Variants in SAMSN1 observed in about 807,000 individuals in gnomAD.
SAMSN1 encodes the protein SAM domain-containing protein SAMSN-1.
SAMSN1 carries 31 observed loss-of-function variants against 42.0 expected under a neutral mutation model. That is an observed-to-expected ratio of 0.74 (90% CI 0.55 to 1.00). The LOEUF is 1.00. SAMSN1 is among the 50% of genes least tolerant of loss of function. The pLI is 0.00. For missense variants in SAMSN1, 464 were observed against 439.4 expected (o/e 1.06, Z -0.50); for synonymous variants, 178 against 151.9 (o/e 1.17, Z -1.26).
intron 1 of SAMSN1, among the ~76,000 whole-genome samples, chr21:14,649,659 A>G (rs1423135600): frequency 6.6e-6 from 1 of 151,832 alleles, no homozygotes; most frequent in Admixed American, 6.6e-5. Context: ...AATCCCAGCT[A>G]CTCAGGAGGC....
At position 14,516,886 on chromosome 21, in the gene SAMSN1, A is replaced by G. The variant is rs1048239135; in HGVS notation, c.279+6T>C. The G allele has an allele frequency of 6.3e-6, 10 of 1,599,330 alleles. No individual in the cohort carries two copies. Among genetic ancestry groups the G allele is most frequent in the African/African-American group, 1.4e-5 (1 of 73,806 alleles). On this transcript the variant is annotated splice_donor_region_variant and intron_variant, in intron 3 of 7. Coordinates refer to ENST00000400566, the MANE Select transcript of SAMSN1 (RefSeq NM_022136.5). Reference sequence around the variant, plus strand: ...AAAATACAAATGATTATCAGAGAATATTTACCTTTTCCTCAGAAAGGGCTT... The same window carrying G: ...AAAATACAAATGATTATCAGAGAATGTTTACCTTTTCCTCAGAAAGGGCTT...
At position 14,485,664 on chromosome 21, in the gene SAMSN1, T is replaced by C. The variant is rs1421920877; in HGVS notation, c.*248A>G. The C allele has an allele frequency of 9.0e-6, 3 of 334,116 alleles. No individual in the cohort carries two copies. Among genetic ancestry groups the C allele is most frequent in the Non-Finnish European group, 1.6e-5 (3 of 183,304 alleles). The allele number at this position is 334,116 out of a possible 1,614,324, so 20.7% of individuals were successfully genotyped here. A position where few individuals can be genotyped will look rare whatever the true frequency, so the allele number is the denominator to read the frequency against. On this transcript the variant is annotated 3_prime_UTR_variant, in exon 8 of 8. Coordinates refer to ENST00000400566, the MANE Select transcript of SAMSN1 (RefSeq NM_022136.5). ...TGTCACACATACCAAAGTCTTACAT[T>C]TTGCCTTTCTAATACAAGCAAGTGA...
At chr21:14,632,424 G>A (rs1336173159) in intron 2 of SAMSN1, among the ~76,000 whole-genome samples, 3 of 151,646 alleles carry the variant, frequency 2.0e-5, no homozygotes, top group Admixed American at 6.6e-5. Flanking sequence ...GTTATGTATT[G>A]TGCAACAATA....
chr21:14,520,688 C>A (rs886250782), intron 2 of SAMSN1, among the ~76,000 whole-genome samples: 1 of 152,134 alleles, frequency 6.6e-6, no homozygotes, highest in South Asian at 2.1e-4. Flanking sequence ...ATGAAGCCCA[C>A]CCTTTCCCAA....
At chr21:14,639,417 G>A (rs1320274792) in intron 2 of SAMSN1, among the ~76,000 whole-genome samples, 1 of 152,098 alleles carries the variant, frequency 6.6e-6, no homozygotes, top group Non-Finnish European at 1.5e-5. Context: ...AAACAAGAGA[G>A]GGCCAAACTT....
chr21:14,489,123 C>T (rs1600852770), intron 7 of SAMSN1, among the ~76,000 whole-genome samples: 1 of 152,188 alleles, frequency 6.6e-6, no homozygotes, highest in East Asian at 1.9e-4. Flanking sequence ...TCATTTAGTC[C>T]CTTCATGTGG....
chr21:14,615,347 G>C (rs1488270416), intron 3 of SAMSN1, among the ~76,000 whole-genome samples: 2 of 151,774 alleles, frequency 1.3e-5, no homozygotes, highest in Non-Finnish European at 2.9e-5. Flanking sequence ...ATATGAAAAA[G>C]CACAAGAGCT....
At chr21:14,495,588 ATGTT>A (rs1986884765) in intron 7 of SAMSN1, 1 of 151,870 alleles carries the variant, frequency 6.6e-6, no homozygotes. Context: ...GGCTCTGTGT[ATGTT>A]TGTACCTTAC....
rs1468083203 is a variant in SAMSN1, at chr21:14,517,142, A to G, written c.130-101T>C. 6.1e-6 allele frequency: 7 copies of G among 1,149,486 alleles called. No individual in the cohort carries two copies. The East Asian group carries it at 1.8e-4, about 29-fold the overall frequency. 71.2% of individuals were successfully genotyped at this position (1,149,486 alleles called of 1,614,324 possible). ...AACATTCTGAGTTTGTGGATTTTGC[A>G]TGCATTCTGTGCAGCAGCCTCCAAA... On this transcript the variant is annotated intron_variant, in intron 2 of 7. Transcript: ENST00000400566.
chr21:14,607,557 G>T, intron 5 of SAMSN1, among the ~76,000 whole-genome samples: 1 of 152,206 alleles, frequency 6.6e-6, no homozygotes, highest in Middle Eastern at 3.4e-3. Flanking sequence ...ACACGCACTC[G>T]CTGAACATGC....
chr21:14,571,963 C>T (rs941541755), intron 2 of SAMSN1, among the ~76,000 whole-genome samples: 1 of 152,066 alleles, frequency 6.6e-6, no homozygotes, highest in African/African-American at 2.4e-5. Context: ...ATCTTAAAAA[C>T]TACTGGAAAC....
intron 7 of SAMSN1, among the ~76,000 whole-genome samples, chr21:14,490,661 C>T (rs1986643570): frequency 2.0e-5 from 3 of 152,098 alleles, no homozygotes; most frequent in Admixed American, 1.3e-4. Context: ...GAATACTAAC[C>T]CACCTTTTGG....
intron 1 of SAMSN1, among the ~76,000 whole-genome samples, chr21:14,652,112 C>A (rs931965690): frequency 6.6e-6 from 1 of 151,852 alleles, no homozygotes; most frequent in East Asian, 1.9e-4. Flanking sequence ...AATGTCCATT[C>A]TACTCAAAGC....
At chr21:14,524,138 G>A (rs1978677797) in intron 1 of SAMSN1, among the ~76,000 whole-genome samples, 1 of 152,160 alleles carries the variant, frequency 6.6e-6, no homozygotes, top group Admixed American at 6.5e-5. Flanking sequence ...AAGGACTAAT[G>A]TCTACTATGA....
chr21:14,518,565 G>T (rs1988023294), intron 2 of SAMSN1, among the ~76,000 whole-genome samples: 2 of 152,104 alleles, frequency 1.3e-5, no homozygotes, highest in African/African-American at 4.8e-5. Context: ...AGGTGGACAG[G>T]TAGTCATTCA....
At chr21:14,558,717 A>C (rs1340277347) in intron 2 of SAMSN1, among the ~76,000 whole-genome samples, 2 of 151,960 alleles carry the variant, frequency 1.3e-5, no homozygotes, top group African/African-American at 2.4e-5. Flanking sequence ...CAACAACAAC[A>C]ACCAAAACTT....
rs116256485 is a variant in SAMSN1, at chr21:14,582,273, G to T, written c.124C>A (p.Pro42Thr). The stretch of plus-strand genomic sequence containing the variant: ...GTCCAGAGAGGGTTTTCAGGAAAAG[G>T]CTTCCAGTGATGCCACATGTAAGCT... Residue 42 changes from proline (P) to threonine (T), a missense_variant, in exon 2 of 9, where the codon CCT becomes ACT. Transcript: ENST00000285670. 201 of 1,550,800 alleles carry T rather than the reference G, an allele frequency of 1.3e-4. 1 individual carries two copies. In the African/African-American group the frequency reaches 2.6e-3, roughly 20 times the overall value.
At chr21:14,646,153 C>A (rs993750572) in intron 1 of SAMSN1, among the ~76,000 whole-genome samples, 2 of 151,856 alleles carry the variant, frequency 1.3e-5, no homozygotes, top group African/African-American at 2.4e-5. Flanking sequence ...TATCAGTAGC[C>A]AAGTACAAGA....
In SAMSN1 at chr21:14,593,374, A is replaced by G. The variant is rs1982150432; in HGVS notation, c.465+639T>C. Among the ~76,000 whole-genome samples the G allele has an allele frequency of 2.0e-5, 3 of 152,142 alleles. No homozygotes were observed. The South Asian group carries it at 6.2e-4, about 31-fold the overall frequency. On this transcript the variant is annotated intron_variant, in intron 7 of 15. Transcript: ENST00000647101. Reference sequence around the variant, plus strand: ...TAGGACTTATAGTTGTTTCATATCAATAATGCTATAATACTTGTTGATGTA... The same window carrying G: ...TAGGACTTATAGTTGTTTCATATCAGTAATGCTATAATACTTGTTGATGTA...
Sources: allele counts gnomAD v4.1 joint callset (sites outside exome capture counted in the v4.1 genomes callset), GRCh38; gene constraint gnomAD v4.1.1; transcripts MANE v1.5; gene names NCBI Gene and HGNC (gene_info 2026-07-23, HGNC 2026-07-21).